RPS24: variants seen among roughly 807,000 people sequenced by gnomAD.
RPS24 encodes small ribosomal subunit protein eS24.
For synonymous variants in RPS24, 72 were observed against 55.6 expected (o/e 1.30, Z -1.31); for missense variants, 100 against 162.5 (o/e 0.62, Z 2.09).
At chr10:78,054,627 G>A (rs777979463) in exon 5 of RPS24, 6 of 1,551,718 alleles carry the variant, frequency 3.9e-6, no homozygotes, top group East Asian at 2.4e-5. Flanking sequence ...AGAAAGCCGG[G>A]GGGTTGTGTG....
intron 4 of RPS24, chr10:78,039,615 C>G (rs1197188925): frequency 6.5e-6 from 1 of 154,806 alleles, no homozygotes; most frequent in African/African-American, 2.4e-5. Flanking sequence ...GTTACTTATA[C>G]TAAGGCATTA....
chr10:78,050,510 T>C (rs1347244894), intron 4 of RPS24, among the ~76,000 whole-genome samples: 7 of 152,254 alleles, frequency 4.6e-5, no homozygotes, highest in Admixed American at 4.6e-4. Context: ...AAGAGCTTTA[T>C]TGAGGTTTAA....
At chr10:78,054,659 G>A (rs1564633578) in exon 5 of RPS24, 7 of 1,551,612 alleles carry the variant, frequency 4.5e-6, no homozygotes, top group African/African-American at 1.4e-5. Flanking sequence ...TGCCAGGACC[G>A]TGGAGCGTGT....
At chr10:78,050,851 A>G (rs145101724) in intron 4 of RPS24, among the ~76,000 whole-genome samples, 1 of 152,066 alleles carries the variant, frequency 6.6e-6, no homozygotes, top group East Asian at 1.9e-4. Context: ...GCCTCAAGCT[A>G]TCCTCCCACC....
At chr10:78,054,208 A>G (rs1382849340) in intron 4 of RPS24, among the ~76,000 whole-genome samples, 2 of 151,970 alleles carry the variant, frequency 1.3e-5, no homozygotes, top group Admixed American at 1.3e-4. Context: ...ACTGGCCATG[A>G]AGAAGGAGTG....
At chr10:78,055,240 C>T (rs1245532230) in exon 5 of RPS24, 1 of 497,194 alleles carries the variant, frequency 2.0e-6, no homozygotes, top group African/African-American at 2.0e-5. Context: ...CTTCCAGCTC[C>T]AGCGGCTCCT....
At chr10:78,054,459 G>A (rs1848130473) in intron 4 of RPS24, 2 of 1,351,140 alleles carry the variant, frequency 1.5e-6, no homozygotes, top group African/African-American at 1.5e-5. Flanking sequence ...CCAGGCCACA[G>A]GCGCAGAACA....
At chr10:78,047,811 A>G (rs1848061163) in intron 4 of RPS24, among the ~76,000 whole-genome samples, 1 of 152,222 alleles carries the variant, frequency 6.6e-6, no homozygotes, top group African/African-American at 2.4e-5. Flanking sequence ...TGGGAACCCC[A>G]GCAGCCCGAT....
At chr10:78,040,160 C>A in intron 4 of RPS24, 44 bp from the exon 5 acceptor site, 4 of 1,598,320 alleles carry the variant, frequency 2.5e-6, no homozygotes, top group South Asian at 1.1e-5. Flanking sequence ...TGAAATCTTT[C>A]TTTTCCCTCC....
At chr10:78,037,095 G>A in intron 3 of RPS24, 99 bp from the exon 4 acceptor site, 1 of 1,451,880 alleles carries the variant, frequency 6.9e-7, no homozygotes, top group Non-Finnish European at 9.4e-7. Flanking sequence ...TTAGAAAGCT[G>A]TGTTTCTTAA....
At chr10:78,052,941 C>A (rs142730180) in intron 4 of RPS24, among the ~76,000 whole-genome samples, 1 of 152,058 alleles carries the variant, frequency 6.6e-6, no homozygotes, top group South Asian at 2.1e-4. Context: ...CACCTGAGGT[C>A]AGGAGTTCGA....
intron 1 of RPS24, 189 bp downstream of exon 1, chr10:78,034,093 AC>A: frequency 1.9e-6 from 1 of 517,620 alleles, no homozygotes; most frequent in Non-Finnish European, 3.5e-6. Flanking sequence ...TGCGCTGTAG[AC>A]CCGGACACGC....
At chr10:78,054,022 C>T (rs2131995513) in intron 4 of RPS24, among the ~76,000 whole-genome samples, 1 of 152,242 alleles carries the variant, frequency 6.6e-6, no homozygotes. Context: ...TTCCTACCTC[C>T]TAGTCACGTG....
At chr10:78,041,890 A>G (rs1303723670), downstream of RPS24, among the ~76,000 whole-genome samples, 1 of 152,228 alleles carries the variant, frequency 6.6e-6, no homozygotes, top group African/African-American at 2.4e-5. Flanking sequence ...GTTGGCATCA[A>G]AGTCACGAAG....
chr10:78,038,157 C>T (rs1847917371), intron 4 of RPS24: 4 of 311,072 alleles, frequency 1.3e-5, no homozygotes, highest in South Asian at 1.2e-4. Flanking sequence ...ATTACTTTTG[C>T]ACCAACCTAA....
At chr10:78,044,452 C>T (rs1848021089), downstream of RPS24, among the ~76,000 whole-genome samples, 1 of 152,116 alleles carries the variant, frequency 6.6e-6, no homozygotes, top group South Asian at 2.1e-4. Context: ...GAGTTTTGCA[C>T]AATGCATTTC....
At chr10:78,044,689 CCA>C (rs1848024039), downstream of RPS24, among the ~76,000 whole-genome samples, 1 of 150,810 alleles carries the variant, frequency 6.6e-6, no homozygotes, top group African/African-American at 2.5e-5. Context: ...CTCCCAGTGC[CCA>C]CAGTCTGGAT....
rs1271435181 is a variant in RPS24, at chr10:78,035,539, C to A, written c.98C>A (p.Ala33Glu). The part of the protein sequence containing the change: ...MVIDVLHPGK[A>E]TVPKTEIREK... ...ATTGATGTCCTTCACCCCGGGAAGG[C>A]GACAGTGCCTAAGACAGAAATTCGG... Residue 33 changes from alanine to glutamate, a missense_variant, in exon 3 of 6, where the codon GCG becomes GAG. Transcript: ENST00000372360. 6.2e-7 allele frequency: 1 copy of A among 1,614,032 alleles called. No homozygotes were observed. The highest frequency in any genetic ancestry group is 1.7e-5 in the Admixed American group (1 of 60,018).
chr10:78,036,857 T>A (rs1006011859), intron 3 of RPS24, among the ~76,000 whole-genome samples: 1 of 151,964 alleles, frequency 6.6e-6, no homozygotes, highest in Non-Finnish European at 1.5e-5. Flanking sequence ...TGGGAAGAGA[T>A]CCCCTCAGCC....
Sources: gnomAD v4.1 joint callset for allele counts (sites outside exome capture counted in the v4.1 genomes callset) on GRCh38, gnomAD v4.1.1 for gene constraint, MANE v1.5 for transcripts, NCBI Gene and HGNC (gene_info 2026-07-23, HGNC 2026-07-21) for gene names.